Variants in TMEM178B observed in about 807,000 individuals in gnomAD.
TMEM178B encodes the protein transmembrane protein 178B.
TMEM178B carries 5 observed loss-of-function variants against 31.0 expected under a neutral mutation model. The observed-to-expected ratio is 0.16, with a 90% confidence interval of 0.08 to 0.34. TMEM178B has a LOEUF of 0.34. Ranked by LOEUF, TMEM178B falls within the 10% of genes least tolerant of loss-of-function variation. The pLI is 1.00. For missense variants in TMEM178B, 275 were observed against 400.3 expected (o/e 0.69, Z 2.67); for synonymous variants, 164 against 164.0 (o/e 1.00, Z 0.00).
At chr7:141,431,738 GTTCTTTTCTTT>G (rs1302886925) in intron 2 of TMEM178B, among the ~76,000 whole-genome samples, 2 of 152,084 alleles carry the variant, frequency 1.3e-5, no homozygotes, top group Non-Finnish European at 2.9e-5. Flanking sequence ...TTTCCTCCTT[GTTCTTTTCTTT>G]TTCTTTTCTA....
At chr7:141,242,012 C>T (rs1240496536) in intron 2 of TMEM178B, among the ~76,000 whole-genome samples, 5 of 152,010 alleles carry the variant, frequency 3.3e-5, no homozygotes, top group African/African-American at 1.2e-4. Flanking sequence ...TTATAGAGTC[C>T]ATAAAACTGA....
chr7:141,212,879 T>C, intron 2 of TMEM178B, 175 bp downstream of exon 2: 1 of 536,682 alleles, frequency 1.9e-6, no homozygotes, highest in Non-Finnish European at 3.3e-6. Context: ...TTTGATTGCA[T>C]TATAAATTTG....
At chr7:141,145,044 A>T (rs796081394) in intron 1 of TMEM178B, among the ~76,000 whole-genome samples, 6 of 152,232 alleles carry the variant, frequency 3.9e-5, no homozygotes, top group African/African-American at 1.4e-4. Flanking sequence ...TTCTGAGGAA[A>T]TTATTCTAAG....
chr7:141,401,979 G>A (rs1366874866), intron 2 of TMEM178B, among the ~76,000 whole-genome samples: 2 of 152,094 alleles, frequency 1.3e-5, no homozygotes, highest in Non-Finnish European at 2.9e-5. Context: ...TCCAAATCCT[G>A]CACGATTGTT....
intron 2 of TMEM178B, among the ~76,000 whole-genome samples, chr7:141,273,623 T>C (rs866890516): frequency 1.3e-5 from 2 of 152,342 alleles, no homozygotes; most frequent in Middle Eastern, 6.8e-3. Context: ...TCTAAGCAGA[T>C]ACTATTTCAG....
chr7:141,322,645 G>C (rs182137080), intron 2 of TMEM178B, among the ~76,000 whole-genome samples: 1 of 152,144 alleles, frequency 6.6e-6, no homozygotes, highest in African/African-American at 2.4e-5. Flanking sequence ...AGATGGACAG[G>C]GGATATTCAA....
intron 2 of TMEM178B, among the ~76,000 whole-genome samples, chr7:141,354,597 G>C (rs746013685): frequency 6.6e-6 from 1 of 152,112 alleles, no homozygotes; most frequent in African/African-American, 2.4e-5. Flanking sequence ...GTATTCTTTC[G>C]TATCCCCTTC....
At chr7:141,390,123 GAGAA>G (rs141138461) in intron 2 of TMEM178B, among the ~76,000 whole-genome samples, 11,958 of 152,078 alleles carry the variant, frequency 0.079, 554 homozygotes, top group South Asian at 0.11. Flanking sequence ...TAAAAAAAAA[GAGAA>G]AGAAAGAGAG....
intron 3 of TMEM178B, among the ~76,000 whole-genome samples, chr7:141,451,883 C>G (rs1181772): frequency 0.75 from 114,293 of 151,578 alleles, 43,275 homozygotes; most frequent in South Asian, 0.84. Context: ...GTCTCGGAAG[C>G]TGGCTTCTTG....
chr7:141,135,085 T>G (rs1795654815), intron 1 of TMEM178B, among the ~76,000 whole-genome samples: 1 of 152,272 alleles, frequency 6.6e-6, no homozygotes, highest in South Asian at 2.1e-4. Context: ...CTTCTTGCCT[T>G]CCTCCATGAT....
intron 1 of TMEM178B, among the ~76,000 whole-genome samples, chr7:141,182,348 G>A (rs1796542927): frequency 6.6e-6 from 1 of 152,198 alleles, no homozygotes; most frequent in Non-Finnish European, 1.5e-5. Context: ...CTTGACTTGT[G>A]TGTCAAGAAG....
At chr7:141,223,479 C>CTT (rs10680431) in intron 2 of TMEM178B, among the ~76,000 whole-genome samples, 5,687 of 131,058 alleles carry the variant, frequency 0.043, 193 homozygotes, top group East Asian at 0.11. Context: ...TGTTTTCACT[C>CTT]TTTTTTTTTT....
chr7:141,325,515 T>C (rs1799174249), intron 2 of TMEM178B, among the ~76,000 whole-genome samples: 1 of 152,152 alleles, frequency 6.6e-6, no homozygotes, highest in Admixed American at 6.5e-5. Context: ...GGTGTGCCAA[T>C]CTTGGCACCT....
intron 2 of TMEM178B, among the ~76,000 whole-genome samples, chr7:141,314,842 C>G (rs1426854984): frequency 6.6e-6 from 1 of 152,148 alleles, no homozygotes; most frequent in Non-Finnish European, 1.5e-5. Flanking sequence ...GTCATCAGCT[C>G]TAATCAGATA....
chr7:141,503,631 G>GA, the TMEM178B span, among the ~76,000 whole-genome samples: 3 of 152,232 alleles, frequency 2.0e-5, no homozygotes, highest in South Asian at 4.2e-4. Flanking sequence ...AAGGAGCCAT[G>GA]AAAAAATAGG....
chr7:141,305,828 C>T (rs1209896332), intron 2 of TMEM178B, among the ~76,000 whole-genome samples: 2 of 152,106 alleles, frequency 1.3e-5, no homozygotes, highest in African/African-American at 2.4e-5. Flanking sequence ...AACCCTTTCT[C>T]GAGGTTATCA....
At chr7:141,095,870 G>T (rs1363073348) in intron 1 of TMEM178B, among the ~76,000 whole-genome samples, 1 of 152,154 alleles carries the variant, frequency 6.6e-6, no homozygotes, top group Non-Finnish European at 1.5e-5. Context: ...CTGCCTCACG[G>T]TGCTGTGTTG....
chr7:141,102,045 A>G (rs767674433), intron 1 of TMEM178B, among the ~76,000 whole-genome samples: 2 of 152,116 alleles, frequency 1.3e-5, no homozygotes, highest in Admixed American at 6.6e-5. Context: ...AGCGAAAAAC[A>G]GGGAGGCCTG....
At chr7:141,177,825 C>T (rs1157849264) in intron 1 of TMEM178B, among the ~76,000 whole-genome samples, 2 of 152,080 alleles carry the variant, frequency 1.3e-5, no homozygotes, top group Non-Finnish European at 2.9e-5. Context: ...TATTTTGAGC[C>T]TATATGTGTC....
Sources: allele counts gnomAD v4.1 joint callset (sites outside exome capture counted in the v4.1 genomes callset), GRCh38; gene constraint gnomAD v4.1.1; transcripts MANE v1.5; gene names NCBI Gene and HGNC (gene_info 2026-07-23, HGNC 2026-07-21).